Variants in WDR75 observed in about 807,000 individuals in gnomAD.
WDR75 encodes the protein WD repeat domain 75.
In WDR75, 52 loss-of-function variants were observed where a neutral mutation model predicts 106.1. That is an observed-to-expected ratio of 0.49 (90% CI 0.39 to 0.62). The LOEUF (loss-of-function observed/expected upper bound fraction) is 0.62, where lower values mean the gene tolerates loss of function less well. WDR75 is among the 20% of genes least tolerant of loss of function. The probability of loss-of-function intolerance (pLI) is 0.00; values close to 1 mark genes in which losing one functional copy is unlikely to be tolerated. For synonymous variants in WDR75, 333 were observed against 335.5 expected, an observed-to-expected ratio of 0.99 and a Z score of 0.08; for missense variants, 905 against 970.3, an observed-to-expected ratio of 0.93 and a Z score of 0.89.
At chr2:189,455,179 T>A (rs1686706564) in intron 4 of WDR75, 141 bp from the exon 5 acceptor site, 1 of 899,616 alleles carries the variant, frequency 1.1e-6, no homozygotes, top group Admixed American at 3.2e-5. Context: ...AGGCAGAGGT[T>A]GCAGTGAGCC....
chr2:189,460,271 C>T (rs1196620625), intron 8 of WDR75, among the ~76,000 whole-genome samples: 1 of 152,132 alleles, frequency 6.6e-6, no homozygotes, highest in East Asian at 1.9e-4. Context: ...CAGGACAAGT[C>T]TTAGATGGTA....
At chr2:189,470,679 A>G (rs1558989860) in intron 17 of WDR75, 140 bp from the exon 18 acceptor site, 1 of 478,770 alleles carries the variant, frequency 2.1e-6, no homozygotes, top group African/African-American at 2.0e-5. Context: ...ATAGGTTTAA[A>G]TCTTTTATTC....
intron 1 of WDR75, among the ~76,000 whole-genome samples, chr2:189,445,621 T>C (rs1686483319): frequency 6.6e-6 from 1 of 152,046 alleles, no homozygotes; most frequent in Non-Finnish European, 1.5e-5. Context: ...AAAAAAGACA[T>C]TAATGGAAAA....
rs938997023 is a variant in WDR75 at position 189,475,357 on chromosome 2, T to G, written c.2433T>G (p.Ser811=). The change falls in exon 21 of 21, where the codon TCT becomes TCG. Residue 811 remains serine (S), a synonymous_variant. Transcript: ENST00000314761. The stretch of plus-strand genomic sequence containing the variant: ...ACATTATACATCAGTTGTCAAAATC[T>G]GAAGAAAAAGAACTGAGAAAATTTA... ...GEDIIHQLSK[S]EEKELRKFRK... 6.2e-7 allele frequency: 1 copy of G among 1,612,464 alleles called. No homozygotes were observed. Among genetic ancestry groups the G allele is most frequent in the South Asian group, 1.1e-5 (1 of 90,684 alleles).
intron 20 of WDR75, 87 bp downstream of exon 20, chr2:189,474,895 C>G: frequency 2.8e-6 from 3 of 1,071,050 alleles, no homozygotes; most frequent in South Asian, 2.8e-5. Context: ...TATTCTTCCA[C>G]TGTATTTCTT....
intron 8 of WDR75, 103 bp downstream of exon 8, chr2:189,459,527 A>C: frequency 9.2e-7 from 1 of 1,082,834 alleles, no homozygotes; most frequent in Non-Finnish European, 1.4e-6. Context: ...GCATGAGCCA[A>C]ATGAATTCCA....
At chr2:189,468,143 T>C (rs1171043664) in intron 14 of WDR75, among the ~76,000 whole-genome samples, 1 of 152,154 alleles carries the variant, frequency 6.6e-6, no homozygotes, top group Non-Finnish European at 1.5e-5. Flanking sequence ...TTCTTCACAA[T>C]TGAAATCGCA....
At chr2:189,458,672 G>T in intron 6 of WDR75, 81 bp from the exon 7 acceptor site, 2 of 1,247,906 alleles carry the variant, frequency 1.6e-6, no homozygotes, top group Non-Finnish European at 2.1e-6. Flanking sequence ...GCTATTGCTG[G>T]GAACTCTCTT....
chr2:189,449,251 C>T, intron 2 of WDR75: 1 of 1,303,180 alleles, frequency 7.7e-7, no homozygotes, highest in Non-Finnish European at 1.0e-6. Context: ...TTAGTCACAG[C>T]CAACTTGGAA....
At chr2:189,451,771 G>A (rs1224419151) in intron 3 of WDR75, 34 bp from the exon 4 acceptor site, 2 of 1,570,806 alleles carry the variant, frequency 1.3e-6, no homozygotes. Context: ...GGAGGGAACA[G>A]ACAGTAAACA....
chr2:189,463,309 C>CA (rs1006058234), intron 9 of WDR75, among the ~76,000 whole-genome samples: 3 of 152,128 alleles, frequency 2.0e-5, no homozygotes, highest in African/African-American at 7.2e-5. Flanking sequence ...CCCCTATCCC[C>CA]ACCCCTAGAT....
chr2:189,455,240 C>CTAAAAAAAAAAA (rs1686708482), intron 4 of WDR75, 80 bp from the exon 5 acceptor site: 1 of 1,130,786 alleles, frequency 8.8e-7, no homozygotes, highest in African/African-American at 1.6e-5. Context: ...GACTTTGCCT[C>CTAAAAAAAAAAA]AAAAAAAAAA....
At chr2:189,452,187 G>A in intron 4 of WDR75, 1 of 293,812 alleles carries the variant, frequency 3.4e-6, no homozygotes, top group South Asian at 4.4e-5. Flanking sequence ...ACTTAAATCT[G>A]TTATTAAGCA....
intron 18 of WDR75, among the ~76,000 whole-genome samples, chr2:189,473,056 A>G (rs1452173864): frequency 6.6e-6 from 1 of 152,036 alleles, no homozygotes; most frequent in East Asian, 1.9e-4. Context: ...CATCTCTACT[A>G]AAAATACAAA....
chr2:189,448,470 G>A lies in WDR75; in HGVS notation c.178G>A (p.Val60Met), dbSNP rs1445659592. 2.5e-6 allele frequency: 4 copies of A among 1,613,846 alleles called. No individual in the cohort carries two copies. The Admixed American group carries it at 6.7e-5, about 27-fold the overall frequency. The change falls in exon 2 of 21, where the codon GTG becomes ATG. Residue 60 changes from valine to methionine, a missense_variant. Transcript: ENST00000314761. ...VHILHGHRNL[V>M]TGIQLNPNNH... ...CATACTGCATGGACACAGAAATCTG[G>A]TGACTGGAATCCAGCTTAACCCCAA...
intron 4 of WDR75, 88 bp from the exon 5 acceptor site, chr2:189,455,232 C>T: frequency 7.0e-7 from 1 of 1,431,068 alleles, no homozygotes; most frequent in Non-Finnish European, 9.2e-7. Flanking sequence ...CAGAGCAAGA[C>T]TTTGCCTCAA....
At chr2:189,448,205 C>T (rs1574187737) in intron 1 of WDR75, among the ~76,000 whole-genome samples, 174 bp from the exon 2 acceptor site, 2 of 152,118 alleles carry the variant, frequency 1.3e-5, no homozygotes, top group African/African-American at 4.8e-5. Flanking sequence ...TGTAAAGCAC[C>T]TAGGTGCTAG....
Position 189,451,540 on chromosome 2 carries a change from G to T in WDR75, c.283-265G>T, listed in dbSNP as rs918308575. Among the ~76,000 whole-genome samples, 4 of 152,166 alleles carry T rather than the reference G, an allele frequency of 2.6e-5. No homozygotes were observed. The highest frequency in any genetic ancestry group is 9.7e-5 in the African/African-American group (4 of 41,448). The stretch of plus-strand genomic sequence containing the variant: ...CTGTACACAAAGTCCTTATAGCATT[G>T]TTTATGGTAGGAAAAAAGTTAAATA... On this transcript the variant is annotated intron_variant, in intron 3 of 20. Coordinates refer to ENST00000314761, the MANE Select transcript of WDR75 (RefSeq NM_032168.3).
At chr2:189,450,673 C>G in intron 2 of WDR75, 2 of 1,333,174 alleles carry the variant, frequency 1.5e-6, no homozygotes, top group South Asian at 3.6e-5. Flanking sequence ...AGAAAGTTGG[C>G]TTTTTTCCTC....
Sources: gnomAD v4.1 joint callset for allele counts (sites outside exome capture counted in the v4.1 genomes callset) on GRCh38, gnomAD v4.1.1 for gene constraint, MANE v1.5 for transcripts, NCBI Gene and HGNC (gene_info 2026-07-23, HGNC 2026-07-21) for gene names.